RARB: variants seen among roughly 807,000 people sequenced by gnomAD.
RARB encodes retinoic acid receptor beta.
RARB carries 17 observed loss-of-function variants against 51.9 expected under a neutral mutation model. That is an observed-to-expected ratio of 0.33 (90% confidence interval 0.22 to 0.49). The LOEUF (loss-of-function observed/expected upper bound fraction) is 0.49, where lower values mean the gene tolerates loss of function less well. Ranked by LOEUF, RARB falls within the 20% of genes least tolerant of loss-of-function variation. The pLI, the probability that RARB is intolerant of heterozygous loss-of-function variation, is 0.99. For missense variants in RARB, 369 were observed against 550.8 expected, an observed-to-expected ratio of 0.67 and a Z score of 3.30; for synonymous variants, 215 against 195.4, an observed-to-expected ratio of 1.10 and a Z score of -0.84.
chr3:25,556,719 T>C (rs985469729), intron 3 of RARB, among the ~76,000 whole-genome samples: 1 of 152,164 alleles, frequency 6.6e-6, no homozygotes, highest in Admixed American at 6.5e-5. Flanking sequence ...AGAATGTATG[T>C]CATGCACTTA....
intron 2 of RARB, among the ~76,000 whole-genome samples, chr3:24,989,768 G>GTTTT (rs1696869838): frequency 2.6e-5 from 1 of 38,784 alleles, no homozygotes; most frequent in Non-Finnish European, 4.8e-5. Context: ...GTTGTCATAT[G>GTTTT]TTTTTCTTTT....
intron 5 of RARB, chr3:25,258,958 TG>T: frequency 2.3e-6 from 2 of 870,176 alleles, no homozygotes; most frequent in Non-Finnish European, 1.4e-6. Flanking sequence ...ACCACCACAC[TG>T]GGGACCAAAC....
At chr3:25,385,874 A>G (rs1175743069) in intron 5 of RARB, among the ~76,000 whole-genome samples, 1 of 152,152 alleles carries the variant, frequency 6.6e-6, no homozygotes, top group Admixed American at 6.5e-5. Flanking sequence ...AGAAGGAGCA[A>G]TCAGAACTCT....
intron 2 of RARB, among the ~76,000 whole-genome samples, chr3:24,947,654 A>G (rs1365755924): frequency 1.3e-5 from 2 of 152,062 alleles, no homozygotes; most frequent in African/African-American, 4.8e-5. Flanking sequence ...TTCTCCATCC[A>G]CTCTGGTATG....
At chr3:24,942,383 A>C (rs1695685712) in intron 2 of RARB, among the ~76,000 whole-genome samples, 1 of 152,172 alleles carries the variant, frequency 6.6e-6, no homozygotes. Flanking sequence ...TATTTACTCT[A>C]ATTCATATGT....
chr3:25,550,026 T>C (rs1422292617), intron 3 of RARB, among the ~76,000 whole-genome samples: 1 of 152,170 alleles, frequency 6.6e-6, no homozygotes, highest in Non-Finnish European at 1.5e-5. Flanking sequence ...CTATTCAGGA[T>C]ATGAGTTCAA....
At chr3:25,285,340 T>C (rs1703623019) in intron 5 of RARB, among the ~76,000 whole-genome samples, 1 of 152,040 alleles carries the variant, frequency 6.6e-6, no homozygotes. Flanking sequence ...AGGCCCTTTG[T>C]TGGGAAGGCT....
intron 5 of RARB, among the ~76,000 whole-genome samples, chr3:25,353,068 A>G (rs377178377): frequency 1.7e-4 from 26 of 152,346 alleles, no homozygotes; most frequent in African/African-American, 6.0e-4. Context: ...TAGAATACAG[A>G]AATCAAGTGA....
intron 2 of RARB, among the ~76,000 whole-genome samples, chr3:24,881,591 C>T (rs1367470464): frequency 1.3e-5 from 2 of 152,092 alleles, no homozygotes; most frequent in Admixed American, 1.3e-4. Context: ...AAAATAAAAA[C>T]AGATTACCTA....
chr3:25,044,319 T>G (rs1202962023), intron 2 of RARB, among the ~76,000 whole-genome samples: 1 of 152,212 alleles, frequency 6.6e-6, no homozygotes, highest in Admixed American at 6.5e-5. Flanking sequence ...TTGTGTCAAC[T>G]TTTTAAAATG....
intron 4 of RARB, among the ~76,000 whole-genome samples, chr3:25,148,571 ACTGTCG>A (rs1389780848): frequency 9.8e-5 from 15 of 152,304 alleles, no homozygotes; most frequent in Non-Finnish European, 1.6e-4. Context: ...CTAAGTAATC[ACTGTCG>A]CTGTACTTTT....
intron 3 of RARB, among the ~76,000 whole-genome samples, chr3:25,091,487 C>T (rs1033392413): frequency 3.3e-5 from 5 of 152,100 alleles, no homozygotes; most frequent in Admixed American, 2.6e-4. Context: ...CTGGACAGCT[C>T]GTTGCTTTAT....
At chr3:25,550,675 C>G (rs761610576) in intron 3 of RARB, among the ~76,000 whole-genome samples, 6 of 152,136 alleles carry the variant, frequency 3.9e-5, no homozygotes, top group Non-Finnish European at 7.4e-5. Context: ...TTTGTTACAC[C>G]TAGCAACCCA....
chr3:25,308,351 T>C (rs149814567), intron 5 of RARB, among the ~76,000 whole-genome samples: 18 of 152,312 alleles, frequency 1.2e-4, no homozygotes, highest in African/African-American at 3.6e-4. Flanking sequence ...TCCTATGCTT[T>C]GCAGCCATAC....
intron 2 of RARB, among the ~76,000 whole-genome samples, chr3:25,027,056 A>C (rs1378402774): frequency 8.8e-6 from 1 of 113,504 alleles, no homozygotes; most frequent in Non-Finnish European, 2.2e-5. Context: ...ATGGGCTCTC[A>C]AGAGCTGTAC....
At chr3:25,136,715 A>G (rs911899350) in intron 4 of RARB, among the ~76,000 whole-genome samples, 2 of 151,992 alleles carry the variant, frequency 1.3e-5, no homozygotes, top group Non-Finnish European at 2.9e-5. Flanking sequence ...AAGATGATTT[A>G]ATAGGTGTAG....
chr3:25,489,512 A>G (rs1696624193), intron 2 of RARB, among the ~76,000 whole-genome samples: 5 of 152,220 alleles, frequency 3.3e-5, no homozygotes, highest in Non-Finnish European at 1.5e-5. Context: ...TTTAATTATA[A>G]AAGTTGCATA....
At chr3:24,847,392 G>A (rs1245826473) in intron 1 of RARB, among the ~76,000 whole-genome samples, 4 of 152,126 alleles carry the variant, frequency 2.6e-5, no homozygotes, top group African/African-American at 9.7e-5. Context: ...TGGGTGTGGA[G>A]GAAGATTGTT....
At chr3:24,878,387 G>A (rs566156636) in intron 2 of RARB, among the ~76,000 whole-genome samples, 4 of 149,992 alleles carry the variant, frequency 2.7e-5, no homozygotes, top group South Asian at 4.2e-4. Context: ...GCTTGTTTTC[G>A]TTTCTCTTAT....
Sources: gnomAD v4.1 joint callset for allele counts (sites outside exome capture counted in the v4.1 genomes callset) on GRCh38, gnomAD v4.1.1 for gene constraint, MANE v1.5 for transcripts, NCBI Gene and HGNC (gene_info 2026-07-23, HGNC 2026-07-21) for gene names.